The following RIT1 variants were observed in gnomAD, a reference collection of about 807,000 sequenced individuals.
RIT1 encodes the protein Ras like without CAAX 1.
Under a neutral mutation model 25.6 loss-of-function variants are expected in RIT1, and 6 were observed. The ratio of observed to expected loss-of-function variants is 0.23; its 90% CI spans 0.13 to 0.46. RIT1 has a LOEUF of 0.46. RIT1 is among the 20% of genes least tolerant of loss of function. The probability of loss-of-function intolerance (pLI) is 0.99; values close to 1 mark genes in which losing one functional copy is unlikely to be tolerated. For missense variants in RIT1, 219 were observed against 284.4 expected, an observed-to-expected ratio of 0.77 and a Z score of 1.65; for synonymous variants, 81 against 94.1, an observed-to-expected ratio of 0.86 and a Z score of 0.80.
At chr1:155,910,901 TC>T in intron 1 of RIT1, 97 bp from the exon 2 acceptor site, 1 of 1,560,270 alleles carries the variant, frequency 6.4e-7, no homozygotes, top group Non-Finnish European at 8.7e-7. Context: ...TTCTGGCCTG[TC>T]CCTCTTACTC....
rs139279681 is a variant in RIT1 at position 155,898,492 on chromosome 1, TAAAAAAAAAAAAA to T, written c.*1883_*1895del. 1 of 34,314 alleles carries T rather than the reference TAAAAAAAAAAAAA, an allele frequency of 2.9e-5. No homozygotes were observed. Among genetic ancestry groups the T allele is most frequent in the Admixed American group, 6.1e-4 (1 of 1,632 alleles). The allele number at this position is 34,314 out of a possible 1,614,324, so 2.1% of individuals were successfully genotyped here. On this transcript the variant is annotated 3_prime_UTR_variant, in exon 6 of 6. Transcript: ENST00000368323. Reference sequence around the variant, plus strand: ...AACATAGTGAAACCTCATCTCTATTTAAAAAAAAAAAAAAAAAAAAAAAAAAATATATATATAT... The same window carrying T: ...AACATAGTGAAACCTCATCTCTATTTAAAAAAAAAAAAAATATATATATAT...
chr1:155,902,137 T>C (rs536251266), intron 5 of RIT1, among the ~76,000 whole-genome samples: 50 of 152,230 alleles, frequency 3.3e-4, no homozygotes, highest in African/African-American at 1.2e-3. Flanking sequence ...ACAAACATGT[T>C]ACAGTGTTTT....
intron 3 of RIT1, 143 bp downstream of exon 3, chr1:155,910,307 C>T (rs1349516515): frequency 6.0e-6 from 4 of 670,866 alleles, no homozygotes; most frequent in Non-Finnish European, 1.0e-5. Flanking sequence ...CAGTTGCTTA[C>T]CAACTGCTGA....
In RIT1 at chr1:155,898,512, A is replaced by AT. The variant is rs1352823205; in HGVS notation, c.*1875_*1876insA. On this transcript the variant is annotated 3_prime_UTR_variant, in exon 6 of 6. Coordinates refer to ENST00000368323, the MANE Select transcript of RIT1 (RefSeq NM_006912.6). ...CTATTTAAAAAAAAAAAAAAAAAAA[A>AT]AAAAAAATATATATATATATATATA... The AT allele has an allele frequency of 1.1e-3, 114 of 107,444 alleles. No individual in the cohort carries two copies. The highest frequency in any genetic ancestry group is 1.8e-3 in the Non-Finnish European group (96 of 54,540). The allele number at this position is 107,444 out of a possible 1,614,324, so 6.7% of individuals were successfully genotyped here.
rs1190894199 is a variant in RIT1 at position 155,898,820 on chromosome 1, GACC to G, written c.*1565_*1567del. The G allele has an allele frequency of 5.2e-6, 1 of 191,882 alleles. No individual in the cohort carries two copies. Among genetic ancestry groups the G allele is most frequent in the African/African-American group, 2.3e-5 (1 of 42,974 alleles). The allele number at this position is 191,882 out of a possible 1,614,324, so 11.9% of individuals were successfully genotyped here. On this transcript the variant is annotated 3_prime_UTR_variant, in exon 6 of 6. Coordinates refer to ENST00000368323, the MANE Select transcript of RIT1 (RefSeq NM_006912.6). ...AAATGTTTCCAGGAGTTTAAAAAGG[GACC>G]ACTACTCAGAGCTAAAAAAGTTCTA...
chr1:155,910,323 T>A, intron 3 of RIT1, 127 bp downstream of exon 3: 1 of 774,518 alleles, frequency 1.3e-6, no homozygotes. Flanking sequence ...GCTGATACCC[T>A]TGTTTCTAAA....
intron 3 of RIT1, among the ~76,000 whole-genome samples, chr1:155,907,546 G>A (rs533010827): frequency 6.6e-6 from 1 of 152,284 alleles, no homozygotes; most frequent in Non-Finnish European, 1.5e-5. Flanking sequence ...GTAAGCCTCC[G>A]CACCCGGCCT....
At position 155,900,712 on chromosome 1, in the gene RIT1, T is replaced by G. The variant is rs190323643; in HGVS notation, c.430-94A>C. ...CCACCACCTTAACACAAAGAAAGCT[T>G]CTCAATTCTGGAGGTGTTCAAGCAT... is the stretch of plus-strand genomic sequence containing the variant. On this transcript the variant is annotated intron_variant, in intron 5 of 5. Transcript: ENST00000368323. 2.0e-4 allele frequency: 197 copies of G among 1,006,328 alleles called. No individual in the cohort carries two copies. The East Asian group carries it at 4.3e-3, about 22-fold the overall frequency. The allele number at this position is 1,006,328 out of a possible 1,614,324, so 62.3% of individuals were successfully genotyped here.
chr1:155,899,102 G>T lies in RIT1; in HGVS notation c.*1286C>A. 1 of 207,082 alleles carries T rather than the reference G, an allele frequency of 4.8e-6. No individual in the cohort carries two copies. The highest frequency in any genetic ancestry group is 9.9e-6 in the Non-Finnish European group (1 of 101,204). 12.8% of individuals were successfully genotyped at this position (207,082 alleles called of 1,614,324 possible). ...TATAACAAGGTCAGATATCAAAACAGTCCTGATCTTAGACAACTCACTACC... is the reference window on the plus strand; with the variant it reads ...TATAACAAGGTCAGATATCAAAACATTCCTGATCTTAGACAACTCACTACC... On this transcript the variant is annotated 3_prime_UTR_variant, in exon 6 of 6. Transcript: ENST00000368323.
At chr1:155,906,777 A>AG (rs1673450208) in intron 3 of RIT1, among the ~76,000 whole-genome samples, 2 of 139,318 alleles carry the variant, frequency 1.4e-5, no homozygotes, top group African/African-American at 2.5e-5. Flanking sequence ...AAAAAAAAAA[A>AG]AAAAAAAGAA....
In RIT1 at chr1:155,911,342, C is replaced by G. The variant is rs1316955132; in HGVS notation, c.-143G>C. On this transcript the variant is annotated 5_prime_UTR_variant, in exon 1 of 6. Coordinates refer to ENST00000368323, the MANE Select transcript of RIT1 (RefSeq NM_006912.6). ...TCGTCTTCCTTCACTCGCGGAGGCT[C>G]CGGCACTGACCTGTGACCCCTCCCG... The G allele has an allele frequency of 5.7e-6, 1 of 175,788 alleles. No homozygotes were observed. The highest frequency in any genetic ancestry group is 1.2e-5 in the Non-Finnish European group (1 of 81,432). 10.9% of individuals were successfully genotyped at this position (175,788 alleles called of 1,614,324 possible).
intron 5 of RIT1, among the ~76,000 whole-genome samples, chr1:155,902,869 A>T (rs1250023979): frequency 1.3e-5 from 2 of 150,952 alleles, no homozygotes; most frequent in African/African-American, 4.9e-5. Context: ...AATAAAAATT[A>T]AAAAAAAAGA....
At chr1:155,907,221 A>G (rs2102587468) in intron 3 of RIT1, among the ~76,000 whole-genome samples, 1 of 152,074 alleles carries the variant, frequency 6.6e-6, no homozygotes, top group South Asian at 2.1e-4. Flanking sequence ...TTATATATAC[A>G]TATGCACACA....
chr1:155,909,932 A>AAC (rs1228094546), intron 3 of RIT1, among the ~76,000 whole-genome samples: 3 of 151,450 alleles, frequency 2.0e-5, no homozygotes, highest in East Asian at 3.9e-4. Flanking sequence ...AAAAAAAAAA[A>AAC]AAAAACAACA....
chr1:155,910,271 T>C (rs997424793), intron 3 of RIT1, 179 bp downstream of exon 3: 9 of 601,518 alleles, frequency 1.5e-5, no homozygotes, highest in Non-Finnish European at 2.6e-5. Context: ...GCTTATGACA[T>C]AAAGTCTGAA....
intron 3 of RIT1, among the ~76,000 whole-genome samples, chr1:155,909,146 T>A (rs1673522807): frequency 6.6e-6 from 1 of 151,570 alleles, no homozygotes. Context: ...GAGTCCGAGG[T>A]GGGCAGATCA....
At chr1:155,903,917 G>T (rs1347634654) in intron 5 of RIT1, among the ~76,000 whole-genome samples, 2 of 152,186 alleles carry the variant, frequency 1.3e-5, no homozygotes, top group Non-Finnish European at 2.9e-5. Flanking sequence ...AGCTGAACTG[G>T]GATGATTGCT....
At chr1:155,910,288 A>C in intron 3 of RIT1, 162 bp downstream of exon 3, 1 of 623,600 alleles carries the variant, frequency 1.6e-6, no homozygotes, top group Non-Finnish European at 2.8e-6. Flanking sequence ...TGAAAAAAAA[A>C]GAAATATTCA....
chr1:155,907,240 CTT>C (rs773275927), intron 3 of RIT1, among the ~76,000 whole-genome samples: 35 of 138,980 alleles, frequency 2.5e-4, no homozygotes, highest in Admixed American at 2.9e-4. Context: ...CATTCATATG[CTT>C]TTTTTTTTTT....
Sources: gnomAD v4.1 joint callset for allele counts (sites outside exome capture counted in the v4.1 genomes callset) on GRCh38, gnomAD v4.1.1 for gene constraint, MANE v1.5 for transcripts, NCBI Gene and HGNC (gene_info 2026-07-23, HGNC 2026-07-21) for gene names.